Variants in DAB2IP observed in about 807,000 individuals in gnomAD.
DAB2IP encodes disabled homolog 2-interacting protein.
A neutral mutation model predicts 107.2 loss-of-function variants in DAB2IP; 28 were observed. That is an observed-to-expected ratio of 0.26 (90% CI 0.19 to 0.36). The LOEUF (loss-of-function observed/expected upper bound fraction) is 0.36. Ranked by LOEUF, DAB2IP falls within the 10% of genes least tolerant of loss-of-function variation. The pLI is 1.00. For missense variants in DAB2IP, 1,400 were observed against 1,644.7 expected (o/e 0.85, Z 2.57); for synonymous variants, 755 against 706.4 (o/e 1.07, Z -1.09).
At chr9:121,712,639 C>T (rs756307720) in intron 3 of DAB2IP, among the ~76,000 whole-genome samples, 9 of 152,168 alleles carry the variant, frequency 5.9e-5, no homozygotes, top group Non-Finnish European at 1.0e-4. Flanking sequence ...AAGGGGTGGG[C>T]CTGCCCCCAA....
chr9:121,784,602 G>A (rs1483944008), exon 16 of DAB2IP: 3 of 154,882 alleles, frequency 1.9e-5, no homozygotes, highest in African/African-American at 7.2e-5. Context: ...TGCCGATTTT[G>A]TAAATGTTCT....
chr9:121,757,136 C>T, exon 4 of DAB2IP: 2 of 1,614,184 alleles, frequency 1.2e-6, no homozygotes, highest in Non-Finnish European at 1.7e-6. Context: ...CCGTGCACAG[C>T]AGCATCCTTG....
At chr9:121,784,938 T>C (rs1835906771) in exon 16 of DAB2IP, 1 of 152,570 alleles carries the variant, frequency 6.6e-6, no homozygotes, top group Non-Finnish European at 1.5e-5. Flanking sequence ...CAGCCAGGGC[T>C]GGGGTTGCCA....
chr9:121,619,297 C>T (rs1249516474), intron 1 of DAB2IP, among the ~76,000 whole-genome samples: 1 of 152,164 alleles, frequency 6.6e-6, no homozygotes, highest in Non-Finnish European at 1.5e-5. Flanking sequence ...CAGGTACGCG[C>T]CACCACATCC....
In DAB2IP at chr9:121,782,594, C is replaced by A; in HGVS notation, c.*96C>A. On this transcript the variant is annotated 3_prime_UTR_variant, in exon 16 of 16. Coordinates refer to ENST00000408936, the Ensembl canonical transcript of DAB2IP. The surrounding 1 kb of genome is among the most constrained non-coding windows in gnomAD (Gnocchi z 6.1). The stretch of plus-strand genomic sequence containing the variant: ...GGGGAGGCACCCACGGTTGCAGCCC[C>A]AGCGCGGGTGTCAGGAGGCCGAGCC... 1 of 1,544,434 alleles carries A rather than the reference C, an allele frequency of 6.5e-7. No individual in the cohort carries two copies. Among genetic ancestry groups the A allele is most frequent in the Admixed American group, 1.8e-5 (1 of 55,188 alleles).
At chr9:121,579,723 C>T (rs1478039964) in intron 1 of DAB2IP, among the ~76,000 whole-genome samples, 1 of 152,248 alleles carries the variant, frequency 6.6e-6, no homozygotes, top group Non-Finnish European at 1.5e-5. Flanking sequence ...CTCTGCCACA[C>T]ACCTTGGAGC....
intron 1 of DAB2IP, among the ~76,000 whole-genome samples, chr9:121,637,163 G>T (rs940759513): frequency 6.6e-6 from 1 of 152,208 alleles, no homozygotes; most frequent in Admixed American, 6.5e-5. Context: ...GAAATTTAGT[G>T]TCTCTGAGGC....
chr9:121,757,351 G>A (rs1447487651), intron 4 of DAB2IP, among the ~76,000 whole-genome samples, 185 bp downstream of exon 4: 1 of 152,204 alleles, frequency 6.6e-6, no homozygotes, highest in Admixed American at 6.5e-5. Context: ...TGGGGTGGAG[G>A]CTGTCCTTCC....
chr9:121,583,504 C>T (rs775003805), intron 1 of DAB2IP, among the ~76,000 whole-genome samples: 3 of 152,186 alleles, frequency 2.0e-5, no homozygotes, highest in Non-Finnish European at 2.9e-5. Flanking sequence ...AGACAGACTG[C>T]ACACCCTGAG....
chr9:121,641,480 T>A (rs1205369949), intron 1 of DAB2IP, among the ~76,000 whole-genome samples: 1 of 152,154 alleles, frequency 6.6e-6, no homozygotes, highest in Non-Finnish European at 1.5e-5. Context: ...CAATACCCAA[T>A]GGCCTTGAAC....
At chr9:121,690,686 C>T (rs1829119134) in intron 2 of DAB2IP, among the ~76,000 whole-genome samples, 1 of 152,200 alleles carries the variant, frequency 6.6e-6, no homozygotes, top group African/African-American at 2.4e-5. Flanking sequence ...CTGACGTCCT[C>T]AGCTCCCCTC....
intron 6 of DAB2IP, among the ~76,000 whole-genome samples, chr9:121,761,580 C>T (rs1833894884): frequency 6.6e-6 from 1 of 152,218 alleles, no homozygotes; most frequent in Admixed American, 6.5e-5. Flanking sequence ...CTCTGCAGCC[C>T]CCCTCCCTCT....
At position 121,772,953 on chromosome 9, in the gene DAB2IP, A is replaced by C. The variant is rs762240947; in HGVS notation, c.2425A>C (p.Thr809Pro). The C allele has an allele frequency of 8.9e-6, 14 of 1,574,816 alleles. No homozygotes were observed. Among genetic ancestry groups the C allele is most frequent in the Admixed American group, 5.2e-5 (3 of 57,720 alleles). The change falls in exon 12 of 16, where the codon ACA becomes CCA. Residue 809 changes from threonine (T) to proline (P), a missense_variant. Transcript: ENST00000408936. This position sits in a 1 kb window ranked among gnomAD's most constrained non-coding sequence, Gnocchi z 4.7. ...GCGGCGGGCAGGCCAGACACCAACC[A>C]CACCAGGCACCTCCGAGGGCGCGCC... is the stretch of plus-strand genomic sequence containing the variant.
At chr9:121,645,045 C>T (rs1259922900) in intron 1 of DAB2IP, among the ~76,000 whole-genome samples, 4 of 152,230 alleles carry the variant, frequency 2.6e-5, no homozygotes, top group African/African-American at 9.6e-5. Flanking sequence ...TATGCCACCC[C>T]CTCTGGTTTC....
intron 1 of DAB2IP, among the ~76,000 whole-genome samples, chr9:121,655,336 CCT>C (rs1832927302): frequency 1.3e-5 from 2 of 152,112 alleles, no homozygotes; most frequent in African/African-American, 4.8e-5. Flanking sequence ...GTCTCTGACC[CCT>C]GTGTTTCCCC....
intron 3 of DAB2IP, among the ~76,000 whole-genome samples, chr9:121,720,422 A>G (rs184919699): frequency 1.3e-5 from 2 of 152,310 alleles, no homozygotes; most frequent in East Asian, 3.9e-4. Flanking sequence ...TAACTTCGGC[A>G]TGGCACTTTA....
Position 121,760,018 on chromosome 9 carries a change from A to G in DAB2IP, c.749A>G (p.Lys250Arg). 1 of 1,614,194 alleles carries G rather than the reference A, an allele frequency of 6.2e-7. No homozygotes were observed. Among genetic ancestry groups the G allele is most frequent in the African/African-American group, 1.3e-5 (1 of 75,062 alleles). The change falls in exon 6 of 16, where the codon AAG becomes AGG. Residue 250 changes from lysine (K) to arginine (R), a missense_variant. Physicochemically the swap from Lys to Arg is conservative, Grantham distance 26. This residue lies in a region of DAB2IP where 517 missense variants were observed against 748.6 expected (regional missense o/e 0.69). Transcript: ENST00000408936. This position sits in a 1 kb window ranked among gnomAD's most constrained non-coding sequence, Gnocchi z 5.9. ...TATGCCCGCACCACGGGCAAGCTCA[A>G]GACGGACAATGTTTTCTGGGGCGAG...
intron 1 of DAB2IP, among the ~76,000 whole-genome samples, chr9:121,619,486 C>T (rs531293458): frequency 6.6e-6 from 1 of 152,312 alleles, no homozygotes; most frequent in East Asian, 1.9e-4. Flanking sequence ...GCTGCATGGC[C>T]CCTGCCTGCG....
upstream of DAB2IP, among the ~76,000 whole-genome samples, chr9:121,649,873 G>C (rs1462927828): frequency 1.3e-5 from 2 of 152,248 alleles, no homozygotes; most frequent in African/African-American, 4.8e-5. Context: ...CTGTTGAAAG[G>C]AGATAGGGCA....
Sources: allele counts gnomAD v4.1 joint callset (sites outside exome capture counted in the v4.1 genomes callset), GRCh38; gene constraint gnomAD v4.1.1; regional missense constraint gnomAD v4.1.1; non-coding constraint Gnocchi (gnomAD v3.1); transcripts MANE v1.5; gene names NCBI Gene and HGNC (gene_info 2026-07-23, HGNC 2026-07-21).